The following FAM185A variants were observed in gnomAD, a reference collection of about 807,000 sequenced individuals.
FAM185A encodes protein FAM185A.
In FAM185A, 21 loss-of-function variants were observed where a neutral mutation model predicts 45.7. That is an observed-to-expected ratio of 0.46 (90% CI 0.33 to 0.66). FAM185A has a LOEUF of 0.66. FAM185A is among the 30% of genes least tolerant of loss of function. FAM185A has a pLI of 0.03. For synonymous variants in FAM185A, 117 were observed against 194.0 expected (o/e 0.60, Z 3.30); for missense variants, 305 against 485.4 (o/e 0.63, Z 3.49).
At chr7:102,849,057 ACTTAT>A in the FAM185A span, among the ~76,000 whole-genome samples, 1 of 152,308 alleles carries the variant, frequency 6.6e-6, no homozygotes, top group African/African-American at 2.4e-5. Flanking sequence ...TATCAAAACA[ACTTAT>A]TAAGATGGAA....
chr7:102,759,508 T>C (rs1026074157), intron 3 of FAM185A, among the ~76,000 whole-genome samples: 1 of 152,008 alleles, frequency 6.6e-6, no homozygotes, highest in Non-Finnish European at 1.5e-5. Flanking sequence ...AAACATAAAA[T>C]AAATACTTGT....
the FAM185A span, among the ~76,000 whole-genome samples, chr7:102,841,311 G>T: frequency 6.6e-6 from 1 of 151,874 alleles, no homozygotes; most frequent in East Asian, 1.9e-4. Context: ...TGTTCCAGGG[G>T]CAGCTTAAAG....
At chr7:102,787,627 TATG>T (rs765048383) in intron 7 of FAM185A, among the ~76,000 whole-genome samples, 158 bp downstream of exon 7, 17 of 152,250 alleles carry the variant, frequency 1.1e-4, no homozygotes, top group Non-Finnish European at 2.1e-4. Flanking sequence ...TTATCATTAA[TATG>T]ATGCAGACAT....
chr7:102,758,428 T>A (rs891698580), intron 3 of FAM185A, among the ~76,000 whole-genome samples: 3,470 of 12,346 alleles, frequency 0.28, 461 homozygotes, highest in Non-Finnish European at 0.33. Flanking sequence ...CTCTCACAGC[T>A]TTTTTTTTTT....
At position 102,774,699 on chromosome 7, in the gene FAM185A, G is replaced by A. The variant is rs536890931; in HGVS notation, c.835+2249G>A. ...ACACATTTCCTGAATTTATTGAAAT[G>A]ATCATTTTTCTTTTATTAATATGAC... On this transcript the variant is annotated intron_variant, in intron 5 of 7. Transcript: ENST00000413034. Among the ~76,000 whole-genome samples, 94 of 152,164 alleles carry A rather than the reference G, an allele frequency of 6.2e-4. 2 individuals carry two copies. In the South Asian group the frequency reaches 0.019, roughly 31 times the overall value.
intron 5 of FAM185A, among the ~76,000 whole-genome samples, chr7:102,775,910 A>G (rs374355789): frequency 1.1e-4 from 17 of 152,140 alleles, no homozygotes; most frequent in African/African-American, 4.1e-4. Context: ...TCATTTCCCA[A>G]CGTCAGTGTT....
At chr7:102,829,225 A>C in the FAM185A span, among the ~76,000 whole-genome samples, 1 of 152,210 alleles carries the variant, frequency 6.6e-6, no homozygotes, top group African/African-American at 2.4e-5. Flanking sequence ...CAGGCCCTCC[A>C]GGAATCCTCG....
the FAM185A span, among the ~76,000 whole-genome samples, chr7:102,829,152 C>T: frequency 6.6e-6 from 1 of 152,198 alleles, no homozygotes; most frequent in Non-Finnish European, 1.5e-5. Context: ...AGCTGCGGTG[C>T]AAGTGGAACA....
intron 5 of FAM185A, among the ~76,000 whole-genome samples, chr7:102,775,010 GT>G (rs200919500): frequency 8.5e-4 from 68 of 79,856 alleles, no homozygotes; most frequent in Admixed American, 1.2e-3. Flanking sequence ...TTTTGTTTTT[GT>G]TTTTTTTTTT....
the FAM185A span, among the ~76,000 whole-genome samples, chr7:102,815,516 C>T: frequency 6.6e-6 from 1 of 152,138 alleles, no homozygotes; most frequent in African/African-American, 2.4e-5. Flanking sequence ...CTCCTGCCCC[C>T]TGCCTCCCAA....
the FAM185A span, among the ~76,000 whole-genome samples, chr7:102,826,378 A>G: frequency 6.6e-6 from 1 of 152,258 alleles, no homozygotes; most frequent in East Asian, 1.9e-4. Context: ...AGAGAGTCCA[A>G]GTTTTTGCCC....
chr7:102,808,028 T>C (rs1192038805), intron 7 of FAM185A, among the ~76,000 whole-genome samples: 1 of 151,932 alleles, frequency 6.6e-6, no homozygotes, highest in South Asian at 2.1e-4. Flanking sequence ...GCCACTGTAC[T>C]CCAGCCTGGG....
intron 2 of FAM185A, among the ~76,000 whole-genome samples, chr7:102,752,336 A>C (rs989345960): frequency 2.0e-5 from 3 of 150,922 alleles, no homozygotes; most frequent in African/African-American, 7.3e-5. Context: ...CAGTGGTGCA[A>C]TCTCAGCTCA....
intron 7 of FAM185A, among the ~76,000 whole-genome samples, chr7:102,789,900 AC>A (rs1416033686): frequency 6.6e-6 from 1 of 152,170 alleles, no homozygotes; most frequent in African/African-American, 2.4e-5. Context: ...ACACAAACAC[AC>A]ACATTAGTCT....
chr7:102,781,383 C>T (rs191919528), intron 6 of FAM185A, among the ~76,000 whole-genome samples: 245 of 152,324 alleles, frequency 1.6e-3, no homozygotes, highest in African/African-American at 5.7e-3. Flanking sequence ...CCCTGACCCC[C>T]GAGTAGCCTA....
chr7:102,794,004 G>T (rs563877655), intron 7 of FAM185A, among the ~76,000 whole-genome samples: 101 of 135,910 alleles, frequency 7.4e-4, no homozygotes, highest in African/African-American at 2.9e-3. Flanking sequence ...CGTGCCACTG[G>T]ACTCCAGCCT....
chr7:102,823,305 A>G, the FAM185A span, among the ~76,000 whole-genome samples: 1 of 152,220 alleles, frequency 6.6e-6, no homozygotes, highest in Admixed American at 6.5e-5. Context: ...ACTACAAAAT[A>G]TATATCCCCC....
chr7:102,749,740 A>T (rs1254951620), intron 1 of FAM185A, 82 bp downstream of exon 1: 1 of 1,489,762 alleles, frequency 6.7e-7, no homozygotes, highest in East Asian at 2.5e-5. Flanking sequence ...GTGCACTTTT[A>T]ATTGGTCCTG....
chr7:102,796,609 C>G (rs1796449874), intron 7 of FAM185A, among the ~76,000 whole-genome samples: 1 of 152,190 alleles, frequency 6.6e-6, no homozygotes, highest in Non-Finnish European at 1.5e-5. Flanking sequence ...TGTCAGATCT[C>G]TTTCACTGTA....
Sources: allele counts gnomAD v4.1 joint callset (sites outside exome capture counted in the v4.1 genomes callset), GRCh38; gene constraint gnomAD v4.1.1; transcripts MANE v1.5; gene names NCBI Gene and HGNC (gene_info 2026-07-23, HGNC 2026-07-21).